Variants in HHAT observed in about 807,000 individuals in gnomAD.
The protein encoded by HHAT is hedgehog acyltransferase.
HHAT carries 47 observed loss-of-function variants against 70.8 expected under a neutral mutation model. The ratio of observed to expected loss-of-function variants is 0.66; its 90% CI spans 0.53 to 0.85. The LOEUF is 0.85. Ranked by LOEUF, HHAT falls within the 40% of genes least tolerant of loss-of-function variation. HHAT has a pLI of 0.00. For synonymous variants in HHAT, 228 were observed against 247.6 expected, an observed-to-expected ratio of 0.92 and a Z score of 0.74; for missense variants, 609 against 604.8, an observed-to-expected ratio of 1.01 and a Z score of -0.07.
chr1:210,671,619 G>GA (rs1680100954), intron 11 of HHAT, among the ~76,000 whole-genome samples: 1 of 152,204 alleles, frequency 6.6e-6, no homozygotes, highest in African/African-American at 2.4e-5. Context: ...AAGGCTCTGT[G>GA]AAAATGGAGG....
At chr1:210,331,866 A>G (rs1485382902) in intron 1 of HHAT, among the ~76,000 whole-genome samples, 1 of 152,046 alleles carries the variant, frequency 6.6e-6, no homozygotes, top group Non-Finnish European at 1.5e-5. Context: ...AACCCCTTCT[A>G]TGAAATGTGC....
At chr1:210,457,671 G>C (rs982072284) in intron 7 of HHAT, among the ~76,000 whole-genome samples, 1 of 152,124 alleles carries the variant, frequency 6.6e-6, no homozygotes, top group African/African-American at 2.4e-5. Flanking sequence ...GCAAACGCTG[G>C]CACAAGACAC....
At chr1:210,587,222 CTT>C (rs1382177209) in intron 9 of HHAT, among the ~76,000 whole-genome samples, 1 of 152,212 alleles carries the variant, frequency 6.6e-6, no homozygotes, top group Non-Finnish European at 1.5e-5. Flanking sequence ...AGAAAAAACA[CTT>C]TAATGGATTC....
chr1:210,362,513 C>T (rs915472180), intron 2 of HHAT, among the ~76,000 whole-genome samples: 15 of 152,252 alleles, frequency 9.9e-5, no homozygotes, highest in African/African-American at 3.6e-4. Context: ...GCGTGAGCCA[C>T]CATGCCCGGC....
chr1:210,563,894 A>G (rs867608422), intron 9 of HHAT, among the ~76,000 whole-genome samples: 1 of 152,290 alleles, frequency 6.6e-6, no homozygotes, highest in Middle Eastern at 3.4e-3. Context: ...TATTAGCCTC[A>G]GTGAGTGGTT....
intron 1 of HHAT, among the ~76,000 whole-genome samples, chr1:210,345,019 A>T (rs537426989): frequency 2.1e-4 from 32 of 152,288 alleles, no homozygotes; most frequent in Admixed American, 4.6e-4. Context: ...TGGTTCCATT[A>T]AGGCAAGAGT....
intron 3 of HHAT, among the ~76,000 whole-genome samples, chr1:210,363,404 T>C (rs2148029370): frequency 6.6e-6 from 1 of 152,324 alleles, no homozygotes; most frequent in East Asian, 1.9e-4. Context: ...CAGCTCATTT[T>C]GTCTACTTTG....
Position 210,587,432 on chromosome 1 carries a change from C to T in HHAT, c.1044-466C>T, listed in dbSNP as rs192379482. ...ACCCACCCCCATGATTCAATTACCTCGCGCTGGGTCCCTCCCATGACACGT... is the reference window on the plus strand; with the variant it reads ...ACCCACCCCCATGATTCAATTACCTTGCGCTGGGTCCCTCCCATGACACGT... On this transcript the variant is annotated intron_variant, in intron 9 of 11. Coordinates refer to ENST00000261458, the MANE Select transcript of HHAT (RefSeq NM_018194.6). 1.3e-3 allele frequency among the ~76,000 whole-genome samples: 203 copies of T among 152,280 alleles called. 2 individuals carry two copies. Among genetic ancestry groups the T allele is most frequent in the African/African-American group, 4.5e-3 (186 of 41,544 alleles).
At chr1:210,603,965 A>G (rs988990556) in intron 10 of HHAT, among the ~76,000 whole-genome samples, 12 of 152,182 alleles carry the variant, frequency 7.9e-5, no homozygotes, top group Non-Finnish European at 1.2e-4. Flanking sequence ...AGGCTGGAGT[A>G]ATTGCTGGAA....
chr1:210,493,182 G>A (rs1209208690), intron 8 of HHAT, among the ~76,000 whole-genome samples: 1 of 151,966 alleles, frequency 6.6e-6, no homozygotes, highest in Admixed American at 6.6e-5. Context: ...AGATCTATGG[G>A]TCTTATGGTA....
In HHAT at chr1:210,329,042, G is replaced by C; in HGVS notation, c.-106G>C. ...CTGGGACTCGGAAGTGCCGAAAGAGGGGTGTTGGGAACTCGCGGCGCGCGT... is the reference window on the plus strand; with the variant it reads ...CTGGGACTCGGAAGTGCCGAAAGAGCGGTGTTGGGAACTCGCGGCGCGCGT... On this transcript the variant is annotated 5_prime_UTR_variant, in exon 1 of 12. Transcript: ENST00000261458. 2 of 1,432,140 alleles carry C rather than the reference G, an allele frequency of 1.4e-6. No homozygotes were observed. The highest frequency in any genetic ancestry group is 1.8e-6 in the Non-Finnish European group (2 of 1,095,214). 88.7% of individuals were successfully genotyped at this position (1,432,140 alleles called of 1,614,324 possible). A position where few individuals can be genotyped will look rare whatever the true frequency, so the allele number is the denominator to read the frequency against.
intron 8 of HHAT, among the ~76,000 whole-genome samples, chr1:210,504,933 C>G (rs566594129): frequency 1.7e-3 from 220 of 132,082 alleles, no homozygotes; most frequent in Admixed American, 3.1e-3. Flanking sequence ...GACGGAGTCT[C>G]GCTCTGTTGC....
chr1:210,449,374 G>T (rs1407340302), intron 7 of HHAT, among the ~76,000 whole-genome samples: 1 of 150,986 alleles, frequency 6.6e-6, no homozygotes, highest in Admixed American at 6.6e-5. Context: ...CTATAAAGTC[G>T]TGCTTCGTGG....
At chr1:210,392,251 CTG>C (rs1034764972) in intron 4 of HHAT, among the ~76,000 whole-genome samples, 2 of 152,120 alleles carry the variant, frequency 1.3e-5, no homozygotes, top group African/African-American at 4.8e-5. Flanking sequence ...CCTGGGGACA[CTG>C]TGTTTTTCAT....
At chr1:210,554,993 G>A (rs1275651814) in intron 9 of HHAT, among the ~76,000 whole-genome samples, 2 of 152,158 alleles carry the variant, frequency 1.3e-5, no homozygotes, top group Non-Finnish European at 1.5e-5. Context: ...GGTCCCAGAA[G>A]CAAGAGGCTG....
chr1:210,541,997 G>A (rs2095435321), intron 9 of HHAT, among the ~76,000 whole-genome samples: 1 of 152,144 alleles, frequency 6.6e-6, no homozygotes, highest in Non-Finnish European at 1.5e-5. Flanking sequence ...GGTCTGAATG[G>A]GGGATAACTG....
At chr1:210,406,313 C>G (rs12085635) in intron 6 of HHAT, among the ~76,000 whole-genome samples, 5,325 of 152,162 alleles carry the variant, frequency 0.035, 326 homozygotes, top group African/African-American at 0.12. Context: ...TCCTAACTTC[C>G]TCCTGTATAT....
chr1:210,576,958 T>C (rs1007014427), intron 9 of HHAT, among the ~76,000 whole-genome samples: 1 of 152,168 alleles, frequency 6.6e-6, no homozygotes, highest in Admixed American at 6.5e-5. Flanking sequence ...TTGTTGTTCT[T>C]TTAAAAATGA....
At chr1:210,554,228 G>GT (rs2095553111) in intron 9 of HHAT, among the ~76,000 whole-genome samples, 1 of 152,294 alleles carries the variant, frequency 6.6e-6, no homozygotes, top group African/African-American at 2.4e-5. Flanking sequence ...TGCATCCTCA[G>GT]TGCCCCTTTT....
Sources: gnomAD v4.1 joint callset for allele counts (sites outside exome capture counted in the v4.1 genomes callset) on GRCh38, gnomAD v4.1.1 for gene constraint, MANE v1.5 for transcripts, NCBI Gene and HGNC (gene_info 2026-07-23, HGNC 2026-07-21) for gene names.